The following HCN1 variants were observed in gnomAD, a reference collection of about 807,000 sequenced individuals.
HCN1 encodes hyperpolarization activated cyclic nucleotide gated potassium channel 1.
HCN1 carries 13 observed loss-of-function variants against 78.9 expected under a neutral mutation model. That is an observed-to-expected ratio of 0.16 (90% CI 0.11 to 0.26). The LOEUF is 0.26. Ranked by LOEUF, HCN1 falls within the 10% of genes least tolerant of loss-of-function variation. The pLI is 1.00. For missense variants in HCN1, 810 were observed against 1,154.3 expected (o/e 0.70, Z 4.32); for synonymous variants, 552 against 455.5 (o/e 1.21, Z -2.70).
chr5:45,434,970 T>A (rs1477575163), intron 3 of HCN1, among the ~76,000 whole-genome samples: 1 of 152,088 alleles, frequency 6.6e-6, no homozygotes, highest in Non-Finnish European at 1.5e-5. Flanking sequence ...TTTTAAAAAA[T>A]GTCACTTGCT....
rs75783088 is a variant in HCN1 at position 45,385,106 on chromosome 5, A to G, written c.1230+11386T>C. 3.4e-3 allele frequency among the ~76,000 whole-genome samples: 523 copies of G among 152,280 alleles called. 1 individual carries two copies. The highest frequency in any genetic ancestry group is 0.012 in the Admixed American group (190 of 15,288). ...ATGTCGATATATGCTAACACTAGTT[A>G]GTCCTGTGCACACTCAGAATACTGA... On this transcript the variant is annotated intron_variant, in intron 4 of 7. Coordinates refer to ENST00000303230, the MANE Select transcript of HCN1 (RefSeq NM_021072.4).
chr5:45,565,666 A>T (rs1459756349), intron 2 of HCN1, among the ~76,000 whole-genome samples: 2 of 152,004 alleles, frequency 1.3e-5, no homozygotes, highest in African/African-American at 4.8e-5. Flanking sequence ...CTACAAAAAA[A>T]TCAAAAAAAT....
At chr5:45,370,111 A>G (rs149158513) in intron 4 of HCN1, among the ~76,000 whole-genome samples, 29 of 152,104 alleles carry the variant, frequency 1.9e-4, no homozygotes, top group Middle Eastern at 3.4e-3. Context: ...AATAGCATAT[A>G]TATGTTTTCA....
intron 6 of HCN1, among the ~76,000 whole-genome samples, chr5:45,287,028 T>C (rs1354667014): frequency 6.6e-6 from 1 of 151,702 alleles, no homozygotes; most frequent in Admixed American, 6.6e-5. Context: ...TTAATTGAAG[T>C]ATGCTTAGAA....
chr5:45,411,558 T>G (rs767622579), intron 3 of HCN1, among the ~76,000 whole-genome samples: 3 of 146,588 alleles, frequency 2.0e-5, no homozygotes, highest in Non-Finnish European at 3.0e-5. Flanking sequence ...ATCATGCTCA[T>G]GAGGATATTC....
At chr5:45,659,302 G>A (rs1430733961) in intron 1 of HCN1, among the ~76,000 whole-genome samples, 2 of 124,560 alleles carry the variant, frequency 1.6e-5, no homozygotes, top group Admixed American at 8.0e-5. Flanking sequence ...AAACCCATCT[G>A]TACATCAACA....
chr5:45,374,170 AATAT>A (rs1485213186), intron 4 of HCN1, among the ~76,000 whole-genome samples: 1 of 115,142 alleles, frequency 8.7e-6, no homozygotes, highest in Non-Finnish European at 1.7e-5. Context: ...TTATATACAT[AATAT>A]ATATTATATA....
chr5:45,501,488 G>A (rs1742184971), intron 2 of HCN1, among the ~76,000 whole-genome samples: 1 of 151,968 alleles, frequency 6.6e-6, no homozygotes, highest in South Asian at 2.1e-4. Context: ...AGGCTGGAGT[G>A]TAGTGGCGTG....
chr5:45,694,756 T>C (rs1739973369), intron 1 of HCN1, among the ~76,000 whole-genome samples: 1 of 152,198 alleles, frequency 6.6e-6, no homozygotes, highest in Admixed American at 6.5e-5. Flanking sequence ...GACCTTCATT[T>C]GACAATCTCT....
chr5:45,343,674 G>T (rs1392841709), intron 5 of HCN1, among the ~76,000 whole-genome samples: 1 of 152,146 alleles, frequency 6.6e-6, no homozygotes, highest in Non-Finnish European at 1.5e-5. Context: ...TCTACTACAT[G>T]TGTGGGTGCA....
In HCN1 at chr5:45,424,850, C is replaced by T. The variant is rs144680792; in HGVS notation, c.1012-28140G>A. Among the ~76,000 whole-genome samples the T allele has an allele frequency of 1.4e-4, 22 of 152,216 alleles. No homozygotes were observed. The East Asian group carries it at 4.1e-3, about 28-fold the overall frequency. ...TATCCTGGAAAGCACATTCATTTCT[C>T]TCATACTGTGTATATACATGCATAT... On this transcript the variant is annotated intron_variant, in intron 3 of 7. Coordinates refer to ENST00000303230, the MANE Select transcript of HCN1 (RefSeq NM_021072.4).
At position 45,385,933 on chromosome 5, in the gene HCN1, C is replaced by G. The variant is rs115160234; in HGVS notation, c.1230+10559G>C. 2.2e-3 allele frequency among the ~76,000 whole-genome samples: 338 copies of G among 152,270 alleles called. 2 individuals carry two copies. The highest frequency in any genetic ancestry group is 7.9e-3 in the African/African-American group (329 of 41,554). On this transcript the variant is annotated intron_variant, in intron 4 of 7. Transcript: ENST00000303230. ...TCCAGGACCAGCTTAGCTCTACAATCCTCCTGCCAGATACCACTAAAACAG... is the reference window on the plus strand; with the variant it reads ...TCCAGGACCAGCTTAGCTCTACAATGCTCCTGCCAGATACCACTAAAACAG...
chr5:45,623,375 C>A (rs1422929914), intron 2 of HCN1, among the ~76,000 whole-genome samples: 1 of 152,148 alleles, frequency 6.6e-6, no homozygotes, highest in Non-Finnish European at 1.5e-5. Flanking sequence ...CACTTTGTCT[C>A]TTCATGTCTT....
intron 4 of HCN1, among the ~76,000 whole-genome samples, chr5:45,375,206 T>C (rs1747587551): frequency 8.7e-6 from 1 of 115,584 alleles, no homozygotes; most frequent in Non-Finnish European, 1.7e-5. Flanking sequence ...TATAATATTT[T>C]ATAATATATA....
At chr5:45,431,098 C>T (rs1363073846) in intron 3 of HCN1, among the ~76,000 whole-genome samples, 1 of 152,166 alleles carries the variant, frequency 6.6e-6, no homozygotes, top group Non-Finnish European at 1.5e-5. Flanking sequence ...ACTTTACCAG[C>T]ATCTGTTATT....
chr5:45,683,808 C>T (rs1329070633), intron 1 of HCN1, among the ~76,000 whole-genome samples: 1 of 151,806 alleles, frequency 6.6e-6, no homozygotes, highest in Non-Finnish European at 1.5e-5. Flanking sequence ...GTTGCTGGGA[C>T]TACAGGCATG....
chr5:45,463,753 C>T (rs1042896624), intron 2 of HCN1, among the ~76,000 whole-genome samples: 1 of 151,910 alleles, frequency 6.6e-6, no homozygotes. Flanking sequence ...TCATCATGAA[C>T]TTAGTTTTTT....
intron 2 of HCN1, chr5:45,617,480 T>C (rs1292205111): frequency 6.6e-6 from 1 of 152,094 alleles, no homozygotes; most frequent in Non-Finnish European, 1.5e-5. Context: ...GAAGAGAAAG[T>C]GTGGTGAAGT....
intron 2 of HCN1, among the ~76,000 whole-genome samples, chr5:45,538,090 C>A (rs1561193362): frequency 6.6e-6 from 1 of 151,242 alleles, no homozygotes; most frequent in South Asian, 2.1e-4. Context: ...GGTGCAAAAT[C>A]ATTATTAATG....
Sources: gnomAD v4.1 joint callset for allele counts (sites outside exome capture counted in the v4.1 genomes callset) on GRCh38, gnomAD v4.1.1 for gene constraint, MANE v1.5 for transcripts, NCBI Gene and HGNC (gene_info 2026-07-23, HGNC 2026-07-21) for gene names.